UQCC5: variants seen among roughly 807,000 people sequenced by gnomAD.
UQCC5 encodes the protein UPF0640 protein C3orf78.
the UQCC5 span, chr3:52,536,696 T>G: frequency 5.2e-6 from 8 of 1,540,054 alleles, no homozygotes; most frequent in Non-Finnish European, 7.0e-6. Context: ...CGGTCTCGGC[T>G]GCGTCCGGGC....
chr3:52,540,610 C>T, the UQCC5 span: 6 of 688,136 alleles, frequency 8.7e-6, no homozygotes, highest in Non-Finnish European at 9.2e-6. Context: ...GCACAATATT[C>T]CAATAACTGT....
chr3:52,536,635 A>G, the UQCC5 span: 3 of 1,479,044 alleles, frequency 2.0e-6, no homozygotes, highest in Non-Finnish European at 9.0e-7. Flanking sequence ...GTGGCGGAGG[A>G]CGGCGCTCGC....
At chr3:52,538,712 T>G in the UQCC5 span, among the ~76,000 whole-genome samples, 52 of 152,156 alleles carry the variant, frequency 3.4e-4, no homozygotes, top group Non-Finnish European at 1.9e-4. Context: ...CTGCCCACCT[T>G]GGCCTCCCAA....
chr3:52,540,312 A>G, the UQCC5 span: 2 of 758,466 alleles, frequency 2.6e-6, no homozygotes, highest in Non-Finnish European at 4.2e-6. Context: ...TTAAATATTA[A>G]TGCCAAGATT....
At chr3:52,540,684 C>G in the UQCC5 span, 6 of 455,524 alleles carry the variant, frequency 1.3e-5, no homozygotes, top group Non-Finnish European at 2.3e-5. Context: ...TGCTGGACAG[C>G]ACTTGTGGGA....
At chr3:52,538,741 G>C in the UQCC5 span, among the ~76,000 whole-genome samples, 792 of 152,302 alleles carry the variant, frequency 5.2e-3, 9 homozygotes, top group African/African-American at 0.018. Flanking sequence ...GATTACAGGC[G>C]TGAGCCACTG....
the UQCC5 span, chr3:52,541,468 T>C: frequency 6.6e-6 from 1 of 152,254 alleles, no homozygotes; most frequent in Non-Finnish European, 1.5e-5. Context: ...TTTTTCTAGA[T>C]TTTTCTTCTA....
chr3:52,538,761 C>G, the UQCC5 span, among the ~76,000 whole-genome samples: 1 of 152,134 alleles, frequency 6.6e-6, no homozygotes, highest in Non-Finnish European at 1.5e-5. Context: ...GCGCCTGGCC[C>G]AAATCCCAAC....
the UQCC5 span, chr3:52,536,772 A>G: frequency 1.2e-5 from 19 of 1,551,700 alleles, no homozygotes; most frequent in African/African-American, 1.5e-4. Flanking sequence ...ACCAGGGCCC[A>G]GGTGAGACGG....
the UQCC5 span, chr3:52,536,662 G>C: frequency 9.3e-6 from 14 of 1,509,552 alleles, no homozygotes; most frequent in African/African-American, 8.3e-5. Context: ...CCCAGGTCGC[G>C]GTACACGGCG....
the UQCC5 span, among the ~76,000 whole-genome samples, chr3:52,537,374 C>G: frequency 6.6e-6 from 1 of 152,292 alleles, no homozygotes; most frequent in Admixed American, 6.5e-5. Flanking sequence ...GGTCTTTGGT[C>G]TGGGTCCAGA....
the UQCC5 span, chr3:52,536,974 T>C: frequency 6.5e-7 from 1 of 1,536,290 alleles, no homozygotes. Flanking sequence ...TCCGTTTTTC[T>C]GGGGAGTATT....
chr3:52,539,655 T>C, the UQCC5 span, among the ~76,000 whole-genome samples: 1 of 150,652 alleles, frequency 6.6e-6, no homozygotes. Flanking sequence ...TTTTTTTTTT[T>C]TGAGACAGAG....
the UQCC5 span, chr3:52,536,925 GTC>G: frequency 4.5e-6 from 7 of 1,551,234 alleles, no homozygotes; most frequent in African/African-American, 1.4e-5. Flanking sequence ...GGGGGTAGCA[GTC>G]TCTGTTTCCT....
chr3:52,536,755 C>G, the UQCC5 span: 12 of 1,551,742 alleles, frequency 7.7e-6, no homozygotes, highest in Non-Finnish European at 1.0e-5. Context: ...CTCGGTCGAG[C>G]ATGTTCACCA....
chr3:52,538,967 T>C, the UQCC5 span, among the ~76,000 whole-genome samples: 1 of 152,048 alleles, frequency 6.6e-6, no homozygotes, highest in African/African-American at 2.4e-5. Flanking sequence ...TACTGGACCC[T>C]TGAGAGGGTG....
chr3:52,539,538 G>A, the UQCC5 span, among the ~76,000 whole-genome samples: 1 of 152,212 alleles, frequency 6.6e-6, no homozygotes, highest in East Asian at 1.9e-4. Flanking sequence ...AGGAACCTGA[G>A]CCAGAGGCCA....
At chr3:52,541,694 G>GTAAACCTAACCTGA in the UQCC5 span, 1 of 152,250 alleles carries the variant, frequency 6.6e-6, no homozygotes, top group East Asian at 1.9e-4. Context: ...AGGATTCCTG[G>GTAAACCTAACCTGA]TAAACCTAAC....
At chr3:52,538,247 T>G in the UQCC5 span, among the ~76,000 whole-genome samples, 1 of 151,684 alleles carries the variant, frequency 6.6e-6, no homozygotes, top group East Asian at 1.9e-4. Flanking sequence ...AGATGAGGAG[T>G]GGAGGCTTCT....
Sources: gnomAD v4.1 joint callset for allele counts (sites outside exome capture counted in the v4.1 genomes callset) on GRCh38, gnomAD v4.1.1 for gene constraint, MANE v1.5 for transcripts, NCBI Gene and HGNC (gene_info 2026-07-23, HGNC 2026-07-21) for gene names.